MATN2: variants seen among roughly 807,000 people sequenced by gnomAD.
MATN2 encodes the protein matrilin-2.
Under a neutral mutation model 103.2 loss-of-function variants are expected in MATN2, and 69 were observed. That is an observed-to-expected ratio of 0.67 (90% confidence interval 0.55 to 0.82). The LOEUF is 0.82. Among genes scored for constraint, MATN2 ranks in the 40% least tolerant of loss-of-function variants. The pLI is 0.00. For synonymous variants in MATN2, 429 were observed against 450.2 expected (o/e 0.95, Z 0.60); for missense variants, 1,023 against 1,211.5 (o/e 0.84, Z 2.31).
intron 4 of MATN2, among the ~76,000 whole-genome samples, chr8:97,954,971 A>T (rs1163089273): frequency 6.6e-6 from 1 of 152,146 alleles, no homozygotes; most frequent in African/African-American, 2.4e-5. Context: ...GTACTAAAGG[A>T]GGTATGAGAG....
At chr8:97,961,637 G>A (rs1373865471) in intron 5 of MATN2, 107 bp downstream of exon 5, 14 of 1,302,468 alleles carry the variant, frequency 1.1e-5, no homozygotes, top group Non-Finnish European at 9.1e-6. Context: ...TCACCTTTGG[G>A]TTTCCACAAA....
At chr8:98,021,127 A>G in intron 12 of MATN2, 78 bp from the exon 13 acceptor site, 2 of 1,402,568 alleles carry the variant, frequency 1.4e-6, no homozygotes, top group Non-Finnish European at 2.0e-6. Context: ...TTACTTCCAC[A>G]ATCTCTACTC....
At chr8:97,974,606 C>G (rs1811772435) in intron 5 of MATN2, among the ~76,000 whole-genome samples, 1 of 151,678 alleles carries the variant, frequency 6.6e-6, no homozygotes, top group Non-Finnish European at 1.5e-5. Flanking sequence ...GCCACCACGC[C>G]CAGCTACTTT....
At chr8:97,992,209 T>A (rs1283738013) in intron 6 of MATN2, among the ~76,000 whole-genome samples, 1 of 152,176 alleles carries the variant, frequency 6.6e-6, no homozygotes, top group African/African-American at 2.4e-5. Flanking sequence ...CTCACATAGG[T>A]CAGAGAGATG....
In MATN2 at chr8:98,027,656, T is replaced by C. The variant is rs1002041327; in HGVS notation, c.2183T>C (p.Met728Thr). ...AAAGCCGTGGCCCACATGAAATACATGGGAAAGGGCTCTATGACTGGGCTG... is the reference window on the plus strand; with the variant it reads ...AAAGCCGTGGCCCACATGAAATACACGGGAAAGGGCTCTATGACTGGGCTG... Reference protein sequence around the residue: ...MKKAVAHMKYMGKGSMTGLAL... With the variant: ...MKKAVAHMKYTGKGSMTGLAL... Residue 728 changes from methionine to threonine, a missense_variant, in exon 14 of 19, where the codon ATG becomes ACG. By Grantham distance (81) the Met-to-Thr change is moderately conservative. Transcript: ENST00000254898. 1 of 1,613,764 alleles carries C rather than the reference T, an allele frequency of 6.2e-7. No homozygotes were observed.
intron 2 of MATN2, among the ~76,000 whole-genome samples, chr8:97,920,889 C>G (rs1046464293): frequency 6.6e-5 from 10 of 152,168 alleles, no homozygotes; most frequent in African/African-American, 2.4e-4. Flanking sequence ...GACTTTGATT[C>G]TGAGACCAGG....
intron 13 of MATN2, chr8:98,025,720 T>G (rs1412462392): frequency 2.3e-6 from 1 of 434,606 alleles, no homozygotes; most frequent in Non-Finnish European, 4.6e-6. Flanking sequence ...TACTCCAGCC[T>G]GGGCGACACA....
chr8:97,935,695 C>T (rs1319925659), intron 3 of MATN2, among the ~76,000 whole-genome samples: 1 of 152,122 alleles, frequency 6.6e-6, no homozygotes, highest in East Asian at 1.9e-4. Context: ...ACTATGTTGC[C>T]TAGGCTGGTC....
intron 6 of MATN2, 65 bp downstream of exon 6, chr8:97,979,073 A>G (rs1811940189): frequency 6.6e-7 from 1 of 1,516,432 alleles, no homozygotes; most frequent in Non-Finnish European, 8.9e-7. Context: ...GACTGTGACC[A>G]TGGAACTCTC....
At chr8:97,910,404 C>T (rs1264356769) in intron 2 of MATN2, among the ~76,000 whole-genome samples, 2 of 152,166 alleles carry the variant, frequency 1.3e-5, no homozygotes, top group East Asian at 3.9e-4. Context: ...TGGGAATAGT[C>T]TGCAGAGAGG....
chr8:98,028,504 A>G (rs1813893240), intron 14 of MATN2, among the ~76,000 whole-genome samples: 1 of 152,162 alleles, frequency 6.6e-6, no homozygotes, highest in Non-Finnish European at 1.5e-5. Flanking sequence ...AGGTAGGATA[A>G]TTGGTAGAGA....
intron 10 of MATN2, among the ~76,000 whole-genome samples, chr8:98,009,679 T>C (rs1229784691): frequency 6.6e-6 from 1 of 152,122 alleles, no homozygotes; most frequent in Non-Finnish European, 1.5e-5. Flanking sequence ...CTTTCCCAGA[T>C]TTTCCCCAGA....
intron 6 of MATN2, among the ~76,000 whole-genome samples, chr8:97,984,072 G>C (rs1443019162): frequency 6.6e-6 from 1 of 152,186 alleles, no homozygotes; most frequent in East Asian, 1.9e-4. Flanking sequence ...TGCCACTTTT[G>C]TGACTCCCTA....
chr8:97,927,820 G>T (rs181240325), intron 2 of MATN2, among the ~76,000 whole-genome samples: 1 of 152,296 alleles, frequency 6.6e-6, no homozygotes, highest in African/African-American at 2.4e-5. Flanking sequence ...TGCTTGGATA[G>T]ATATTGACAC....
chr8:98,003,699 C>A lies in MATN2; in HGVS notation c.1243C>A (p.His415Asn), dbSNP rs765983363. Residue 415 changes from histidine (H) to asparagine (N), a missense_variant, in exon 8 of 19, where the codon CAT becomes AAT. Transcript: ENST00000254898. ...YCALNKPGCE[H>N]ECVNMEESYY... is the part of the protein sequence containing the mutation. ...TGCACTGAACAAACCGGGCTGTGAG[C>A]ATGAGTGCGTCAACATGGAGGAGAG... 1.2e-6 allele frequency: 2 copies of A among 1,613,822 alleles called. No homozygotes were observed. Among genetic ancestry groups the A allele is most frequent in the Non-Finnish European group, 1.7e-6 (2 of 1,179,858 alleles).
chr8:97,924,666 T>C (rs1809927821), intron 2 of MATN2, among the ~76,000 whole-genome samples: 1 of 151,644 alleles, frequency 6.6e-6, no homozygotes, highest in Non-Finnish European at 1.5e-5. Flanking sequence ...GTGGCTTGAC[T>C]TACTGGGCTG....
At chr8:97,997,618 T>A (rs1812627878) in intron 7 of MATN2, among the ~76,000 whole-genome samples, 1 of 152,172 alleles carries the variant, frequency 6.6e-6, no homozygotes. Flanking sequence ...GTTGTGTCCA[T>A]CCTGTGGGTG....
In MATN2 at chr8:98,025,776, T is replaced by C. The variant is rs1240977516; in HGVS notation, c.1943-1640T>C. The C allele has an allele frequency of 9.0e-6, 4 of 442,404 alleles. No homozygotes were observed. In the East Asian group the frequency reaches 3.1e-4, roughly 34 times the overall value. 27.4% of individuals were successfully genotyped at this position (442,404 alleles called of 1,614,324 possible). A position where few individuals can be genotyped will look rare whatever the true frequency, so the allele number is the denominator to read the frequency against. ...AGAAGAAGAAATGAGATAATCCATT[T>C]TGGATCTGTCCATTTTTCTTTTGCA... is the stretch of plus-strand genomic sequence containing the variant. On this transcript the variant is annotated intron_variant, in intron 13 of 18. Transcript: ENST00000254898.
chr8:97,950,189 A>T (rs1466381795), intron 4 of MATN2, among the ~76,000 whole-genome samples: 3 of 152,228 alleles, frequency 2.0e-5, no homozygotes, highest in South Asian at 2.1e-4. Context: ...GACATTCATT[A>T]ATCAGAACAA....
Sources: gnomAD v4.1 joint callset for allele counts (sites outside exome capture counted in the v4.1 genomes callset) on GRCh38, gnomAD v4.1.1 for gene constraint, MANE v1.5 for transcripts, NCBI Gene and HGNC (gene_info 2026-07-23, HGNC 2026-07-21) for gene names.